FNDC3B: variants seen among roughly 807,000 people sequenced by gnomAD.
The protein encoded by FNDC3B is fibronectin type III domain containing 3B.
In FNDC3B, 12 loss-of-function variants were observed where a neutral mutation model predicts 151.5. The ratio of observed to expected loss-of-function variants is 0.08; its 90% CI spans 0.05 to 0.13. The LOEUF is 0.13. Ranked by LOEUF, FNDC3B falls within the 10% of genes least tolerant of loss-of-function variation. FNDC3B has a pLI of 1.00. For synonymous variants in FNDC3B, 528 were observed against 549.0 expected (o/e 0.96, Z 0.54); for missense variants, 1,214 against 1,505.3 (o/e 0.81, Z 3.20).
chr3:172,046,956 A>G (rs1436159453), intron 1 of FNDC3B: 1 of 152,202 alleles, frequency 6.6e-6, no homozygotes, highest in East Asian at 1.9e-4. Flanking sequence ...TGGTAAGTTC[A>G]ACTCTTTGCT....
chr3:172,160,177 A>G (rs926760308), intron 3 of FNDC3B, among the ~76,000 whole-genome samples: 2 of 152,248 alleles, frequency 1.3e-5, no homozygotes, highest in African/African-American at 2.4e-5. Flanking sequence ...ACTACACACT[A>G]TACAAAACTA....
At chr3:172,355,035 A>G (rs1007456934) in intron 22 of FNDC3B, among the ~76,000 whole-genome samples, 1 of 152,100 alleles carries the variant, frequency 6.6e-6, no homozygotes, top group Non-Finnish European at 1.5e-5. Context: ...CTATTATAGC[A>G]AACTACCCAT....
At chr3:172,306,078 A>G (rs796832115) in intron 9 of FNDC3B, among the ~76,000 whole-genome samples, 44 of 152,344 alleles carry the variant, frequency 2.9e-4, no homozygotes, top group African/African-American at 9.9e-4. Context: ...AGACATATCT[A>G]TTAGTGCCTT....
At position 172,133,479 on chromosome 3, in the gene FNDC3B, C is replaced by T. The variant is rs763501921; in HGVS notation, c.120C>T (p.Leu40=). The T allele has an allele frequency of 3.3e-5, 53 of 1,612,480 alleles. No homozygotes were observed. In the South Asian group the frequency reaches 4.6e-4, roughly 14 times the overall value. The change falls in exon 3 of 26, where the codon CTC becomes CTT. Residue 40 remains leucine (L), a synonymous_variant. Coordinates refer to ENST00000415807, the MANE Select transcript of FNDC3B (RefSeq NM_022763.4). ...VNGDAAQQVI[L]VQVNPGETFT... ...ATGTGTTGTTTTGGCAGGTTATTCT[C>T]GTTCAAGTTAATCCAGGTGAGACTT...
At chr3:172,133,744 C>A in intron 3 of FNDC3B, 198 bp downstream of exon 3, 1 of 612,506 alleles carries the variant, frequency 1.6e-6, no homozygotes. Flanking sequence ...GTGGTAAAAT[C>A]TGTATTGGGT....
chr3:172,392,361 A>T (rs1186079999), intron 25 of FNDC3B, among the ~76,000 whole-genome samples: 1 of 152,236 alleles, frequency 6.6e-6, no homozygotes, highest in African/African-American at 2.4e-5. Flanking sequence ...AATCTGGAAA[A>T]GTATAAGTAG....
At chr3:172,210,994 T>C (rs962036263) in intron 3 of FNDC3B, among the ~76,000 whole-genome samples, 1 of 152,242 alleles carries the variant, frequency 6.6e-6, no homozygotes, top group Non-Finnish European at 1.5e-5. Context: ...AGTTTCTTGT[T>C]CAATGCTTTA....
intron 11 of FNDC3B, among the ~76,000 whole-genome samples, chr3:172,322,030 A>G (rs948776049): frequency 1.3e-5 from 2 of 152,252 alleles, no homozygotes; most frequent in African/African-American, 2.4e-5. Flanking sequence ...ATAGACTTCA[A>G]AATAGATGAG....
intron 3 of FNDC3B, among the ~76,000 whole-genome samples, chr3:172,149,110 C>G (rs1389265002): frequency 1.3e-5 from 2 of 152,170 alleles, no homozygotes; most frequent in Non-Finnish European, 2.9e-5. Flanking sequence ...AGTCTGGCCT[C>G]TTTAAATTTG....
At chr3:172,100,972 T>C (rs1719352299) in intron 1 of FNDC3B, among the ~76,000 whole-genome samples, 2 of 152,242 alleles carry the variant, frequency 1.3e-5, no homozygotes, top group South Asian at 2.1e-4. Flanking sequence ...TTGAAATATA[T>C]ATTTAAGTAT....
At chr3:172,081,913 T>C (rs1279389393) in intron 1 of FNDC3B, among the ~76,000 whole-genome samples, 1 of 152,246 alleles carries the variant, frequency 6.6e-6, no homozygotes, top group East Asian at 1.9e-4. Flanking sequence ...TAATTTCCTC[T>C]TGTTTTATAT....
chr3:172,286,801 G>A (rs1730044035), intron 7 of FNDC3B, among the ~76,000 whole-genome samples: 1 of 152,148 alleles, frequency 6.6e-6, no homozygotes, highest in Admixed American at 6.5e-5. Context: ...TTTGAGCAAA[G>A]AAGTTATGTA....
At chr3:172,378,128 A>G in intron 23 of FNDC3B, 142 bp from the exon 24 acceptor site, 5 of 601,922 alleles carry the variant, frequency 8.3e-6, no homozygotes, top group South Asian at 7.9e-5. Context: ...ACCCTAATGT[A>G]GCAACTGGCT....
intron 1 of FNDC3B, among the ~76,000 whole-genome samples, chr3:172,105,649 C>T (rs911368494): frequency 1.4e-5 from 2 of 145,236 alleles, no homozygotes; most frequent in South Asian, 2.2e-4. Context: ...GATGGGGTTT[C>T]GCCATGTTGC....
intron 6 of FNDC3B, among the ~76,000 whole-genome samples, chr3:172,270,895 A>G (rs1729168713): frequency 6.6e-6 from 1 of 152,254 alleles, no homozygotes; most frequent in Admixed American, 6.5e-5. Context: ...ATAGTTCATT[A>G]TGTGTGCTTG....
chr3:172,194,556 T>C (rs908067355), intron 3 of FNDC3B, among the ~76,000 whole-genome samples: 3 of 152,220 alleles, frequency 2.0e-5, no homozygotes, highest in African/African-American at 7.2e-5. Context: ...ATGGTACTGC[T>C]AAATGGGTTG....
At chr3:172,227,057 G>A in intron 4 of FNDC3B, 110 bp downstream of exon 4, 1 of 747,148 alleles carries the variant, frequency 1.3e-6, no homozygotes, top group Admixed American at 2.1e-5. Flanking sequence ...GGGTACCGTA[G>A]TGCTAGGTTT....
At chr3:172,058,507 A>G (rs1040873779) in intron 1 of FNDC3B, among the ~76,000 whole-genome samples, 15 of 143,172 alleles carry the variant, frequency 1.0e-4, no homozygotes, top group African/African-American at 3.9e-4. Context: ...TCCTTTTTAT[A>G]TAAGCCAAAA....
intron 2 of FNDC3B, 95 bp downstream of exon 2, chr3:172,112,685 T>C: frequency 3.5e-6 from 3 of 862,672 alleles, no homozygotes; most frequent in Non-Finnish European, 5.9e-6. Flanking sequence ...GGTTTGTGAT[T>C]TCAAACCTTA....
Sources: gnomAD v4.1 joint callset for allele counts (sites outside exome capture counted in the v4.1 genomes callset) on GRCh38, gnomAD v4.1.1 for gene constraint, MANE v1.5 for transcripts, NCBI Gene and HGNC (gene_info 2026-07-23, HGNC 2026-07-21) for gene names.